NBEA: variants seen among roughly 807,000 people sequenced by gnomAD.
NBEA encodes lysosomal-trafficking regulator 2.
In NBEA, 44 loss-of-function variants were observed where a neutral mutation model predicts 343.4. The observed-to-expected ratio is 0.13, with a 90% CI of 0.10 to 0.16. The LOEUF (loss-of-function observed/expected upper bound fraction) is 0.16, where lower values mean the gene tolerates loss of function less well. NBEA is among the 10% of genes least tolerant of loss of function. The pLI is 1.00. For synonymous variants in NBEA, 1,175 were observed against 1,238.7 expected (o/e 0.95, Z 1.08); for missense variants, 2,555 against 3,631.3 (o/e 0.70, Z 7.62).
intron 41 of NBEA, among the ~76,000 whole-genome samples, chr13:35,498,881 G>A (rs1253835380): frequency 1.3e-5 from 2 of 151,940 alleles, no homozygotes; most frequent in Non-Finnish European, 2.9e-5. Context: ...ATACTTTTCT[G>A]ATATTATTGA....
chr13:35,124,209 A>G (rs913197980), intron 17 of NBEA, among the ~76,000 whole-genome samples: 35 of 150,792 alleles, frequency 2.3e-4, no homozygotes, highest in African/African-American at 8.5e-4. Flanking sequence ...TATAATTTAA[A>G]TGTTACTAGA....
chr13:35,612,446 A>G (rs561782799), intron 48 of NBEA, among the ~76,000 whole-genome samples: 15 of 152,174 alleles, frequency 9.9e-5, no homozygotes, highest in Admixed American at 3.3e-4. Flanking sequence ...ATTTTAATAT[A>G]TATTCCCTAG....
At chr13:35,656,189 G>A (rs994040240) in intron 55 of NBEA, among the ~76,000 whole-genome samples, 9 of 152,110 alleles carry the variant, frequency 5.9e-5, no homozygotes, top group South Asian at 2.1e-4. Context: ...CCATTTATTC[G>A]TTTAGCAAAC....
chr13:35,584,072 T>C, intron 46 of NBEA, 34 bp downstream of exon 46: 1 of 1,593,038 alleles, frequency 6.3e-7, no homozygotes, highest in Non-Finnish European at 8.6e-7. Context: ...TTGCCTTTGG[T>C]ACCTTAAAAT....
chr13:35,341,755 GAAC>G (rs1170723190), intron 36 of NBEA, among the ~76,000 whole-genome samples: 2 of 152,014 alleles, frequency 1.3e-5, no homozygotes, highest in Non-Finnish European at 2.9e-5. Context: ...ACAGAAATTG[GAAC>G]CCTCACACTT....
chr13:35,380,559 A>T (rs557833209), intron 38 of NBEA, among the ~76,000 whole-genome samples: 6 of 152,284 alleles, frequency 3.9e-5, no homozygotes, highest in African/African-American at 1.4e-4. Context: ...TGCTGTAAAA[A>T]ATATCATTTT....
chr13:34,979,671 G>A (rs1298224227), intron 1 of NBEA, among the ~76,000 whole-genome samples: 1 of 152,010 alleles, frequency 6.6e-6, no homozygotes, highest in African/African-American at 2.4e-5. Context: ...TTAAAAGTCT[G>A]TATATTTTCT....
chr13:35,132,370 G>T (rs2067478217), intron 17 of NBEA, among the ~76,000 whole-genome samples: 1 of 152,052 alleles, frequency 6.6e-6, no homozygotes. Context: ...ATGTTGGTCA[G>T]GCTGGTCTCA....
intron 38 of NBEA, among the ~76,000 whole-genome samples, chr13:35,353,786 A>G (rs148584720): frequency 1.3e-3 from 204 of 152,324 alleles, no homozygotes; most frequent in African/African-American, 4.8e-3. Context: ...AATAAAACTT[A>G]CATAGTATCA....
At chr13:35,634,325 A>G (rs1421930731) in intron 49 of NBEA, among the ~76,000 whole-genome samples, 1 of 152,204 alleles carries the variant, frequency 6.6e-6, no homozygotes, top group African/African-American at 2.4e-5. Flanking sequence ...CCTGGGCGAC[A>G]GAGTGAGACT....
chr13:35,480,739 T>G (rs1451255952), intron 41 of NBEA, among the ~76,000 whole-genome samples: 1 of 151,950 alleles, frequency 6.6e-6, no homozygotes, highest in African/African-American at 2.4e-5. Flanking sequence ...ATATATTTCT[T>G]TTTTTACACT....
rs1271897503 is a variant in NBEA at position 35,029,198 on chromosome 13, A to G, written c.295-11735A>G. 3.3e-5 allele frequency among the ~76,000 whole-genome samples: 5 copies of G among 151,538 alleles called. No individual in the cohort carries two copies. In the East Asian group the frequency reaches 7.7e-4, roughly 23 times the overall value. ...ATGTGTTATATATGATATATAACAC[A>G]TATATATGTGTTTATATAATGATAT... On this transcript the variant is annotated intron_variant, in intron 1 of 58. Coordinates refer to ENST00000379939, the MANE Select transcript of NBEA (RefSeq NM_001385012.1).
At chr13:35,441,071 C>A (rs2045714657) in intron 39 of NBEA, among the ~76,000 whole-genome samples, 1 of 152,164 alleles carries the variant, frequency 6.6e-6, no homozygotes, top group Non-Finnish European at 1.5e-5. Flanking sequence ...TTATGTATTT[C>A]ATTTTTTAAT....
chr13:35,355,200 T>C (rs2040423943), intron 38 of NBEA, among the ~76,000 whole-genome samples: 1 of 137,524 alleles, frequency 7.3e-6, no homozygotes, highest in Admixed American at 7.3e-5. Context: ...ACCAGCATGA[T>C]ATATAGTCTT....
intron 46 of NBEA, chr13:35,593,083 C>T (rs948371837): frequency 3.4e-5 from 13 of 378,350 alleles, no homozygotes; most frequent in East Asian, 3.0e-4. Context: ...CACTGGAACC[C>T]CATCATTTCA....
chr13:35,453,201 T>G (rs2152946710), intron 40 of NBEA, among the ~76,000 whole-genome samples: 1 of 152,336 alleles, frequency 6.6e-6, no homozygotes, highest in South Asian at 2.1e-4. Context: ...TCTTTTCATC[T>G]TCAAAGAGAT....
chr13:35,072,137 A>G (rs1215380633), intron 10 of NBEA, among the ~76,000 whole-genome samples: 1 of 152,168 alleles, frequency 6.6e-6, no homozygotes, highest in African/African-American at 2.4e-5. Context: ...TTATCATCTC[A>G]GTGAACTAGG....
At chr13:35,335,884 A>G (rs146065432) in intron 36 of NBEA, among the ~76,000 whole-genome samples, 1 of 152,212 alleles carries the variant, frequency 6.6e-6, no homozygotes, top group East Asian at 1.9e-4. Flanking sequence ...GGCTACATGC[A>G]TCCTCTGGAC....
At chr13:35,203,661 A>G (rs1007588898) in intron 31 of NBEA, among the ~76,000 whole-genome samples, 3 of 152,134 alleles carry the variant, frequency 2.0e-5, no homozygotes, top group Non-Finnish European at 4.4e-5. Context: ...TGAATGTATC[A>G]CCTCTAGCTT....
Sources: gnomAD v4.1 joint callset for allele counts (sites outside exome capture counted in the v4.1 genomes callset) on GRCh38, gnomAD v4.1.1 for gene constraint, MANE v1.5 for transcripts, NCBI Gene and HGNC (gene_info 2026-07-23, HGNC 2026-07-21) for gene names.